THTPA: variants seen among roughly 807,000 people sequenced by gnomAD.
THTPA encodes the protein thiamine triphosphatase.
A neutral mutation model predicts 16.5 loss-of-function variants in THTPA; 16 were observed. The observed-to-expected ratio is 0.97, with a 90% CI of 0.66 to 1.47. The LOEUF (loss-of-function observed/expected upper bound fraction) is 1.47, where lower values mean the gene tolerates loss of function less well. THTPA is among the 40% of genes most tolerant of loss of function. THTPA has a pLI of 0.00. For missense variants in THTPA, 281 were observed against 280.9 expected (o/e 1.00, Z 0.00); for synonymous variants, 110 against 115.5 (o/e 0.95, Z 0.30).
the THTPA span, among the ~76,000 whole-genome samples, chr14:23,549,115 C>T: frequency 1.3e-4 from 20 of 152,250 alleles, no homozygotes; most frequent in East Asian, 3.5e-3. Context: ...CTGTTGACCT[C>T]CACTTTAGGA....
chr14:23,521,517 A>G, the THTPA span: 1 of 155,552 alleles, frequency 6.4e-6, no homozygotes, highest in African/African-American at 2.4e-5. Context: ...TTCTTTTTCA[A>G]AATTTTTTGG....
At chr14:23,549,037 A>G in the THTPA span, among the ~76,000 whole-genome samples, 2 of 151,680 alleles carry the variant, frequency 1.3e-5, no homozygotes, top group Admixed American at 1.3e-4. Context: ...CTCTCTTCCC[A>G]TCTCATCTTG....
the THTPA span, chr14:23,535,246 G>A: frequency 1.3e-6 from 2 of 1,515,844 alleles, no homozygotes; most frequent in Non-Finnish European, 1.8e-6. The surrounding 1 kb of genome is among the most constrained non-coding windows in gnomAD (Gnocchi z 4.5). Context: ...GGAGGAGAAG[G>A]TGTCCGAAGG....
At chr14:23,523,510 C>T in the THTPA span, 1 of 1,536,418 alleles carries the variant, frequency 6.5e-7, no homozygotes, top group Non-Finnish European at 8.7e-7. This position sits in a 1 kb window ranked among gnomAD's most constrained non-coding sequence, Gnocchi z 4.1. Context: ...AGTCAGTGCG[C>T]TGGGCTGCTA....
chr14:23,533,742 C>A, the THTPA span: 1 of 1,555,948 alleles, frequency 6.4e-7, no homozygotes. This position sits in a 1 kb window ranked among gnomAD's most constrained non-coding sequence, Gnocchi z 4.8. Context: ...GCTTGTCAGA[C>A]TGCATATGGA....
At chr14:23,527,457 C>T in the THTPA span, 2 of 1,064,518 alleles carry the variant, frequency 1.9e-6, no homozygotes, top group Non-Finnish European at 2.7e-6. Context: ...CCTTGTCGGA[C>T]CGTCCTCACC....
chr14:23,551,369 T>C (rs1014469606), upstream of THTPA: 1 of 151,060 alleles, frequency 6.6e-6, no homozygotes, highest in Non-Finnish European at 1.5e-5. The surrounding 1 kb of genome is among the most constrained non-coding windows in gnomAD (Gnocchi z 5.3). Context: ...GGGACGGGAG[T>C]CGAACCGCGG....
chr14:23,523,029 C>T, the THTPA span: 11 of 1,414,044 alleles, frequency 7.8e-6, no homozygotes, highest in Non-Finnish European at 9.2e-6. This position sits in a 1 kb window ranked among gnomAD's most constrained non-coding sequence, Gnocchi z 4.1. Context: ...CACACACACC[C>T]GTTCCCAGCA....
chr14:23,514,836 G>T, the THTPA span, among the ~76,000 whole-genome samples: 1 of 152,266 alleles, frequency 6.6e-6, no homozygotes, highest in South Asian at 2.1e-4. Flanking sequence ...GGCATGAGAG[G>T]ATGCCCTTAA....
the THTPA span, chr14:23,512,641 C>A: frequency 1.3e-5 from 2 of 150,312 alleles, no homozygotes; most frequent in African/African-American, 2.5e-5. Context: ...TACTGAGGAC[C>A]CAGACTCAGA....
chr14:23,531,489 C>T, the THTPA span: 524 of 1,418,214 alleles, frequency 3.7e-4, 2 homozygotes, highest in Admixed American at 9.1e-4. Context: ...ACCGGGAGTC[C>T]GGAGCTGCCC....
the THTPA span, chr14:23,528,541 A>G: frequency 2.1e-6 from 2 of 951,048 alleles, no homozygotes; most frequent in Admixed American, 6.2e-5. Flanking sequence ...AAATGGTTCC[A>G]TTTCCTCTGG....
At chr14:23,523,208 T>C in the THTPA span, 91 of 1,422,152 alleles carry the variant, frequency 6.4e-5, no homozygotes, top group African/African-American at 8.5e-4. The surrounding 1 kb of genome is among the most constrained non-coding windows in gnomAD (Gnocchi z 4.1). Context: ...CTCACCTGAA[T>C]TGAAAGGAGC....
In THTPA at chr14:23,558,944, C is replaced by G. The variant is rs996053166; in HGVS notation, c.*104C>G. 29 of 1,380,630 alleles carry G rather than the reference C, an allele frequency of 2.1e-5. No homozygotes were observed. The African/African-American group carries it at 4.2e-4, about 20-fold the overall frequency. 85.5% of individuals were successfully genotyped at this position (1,380,630 alleles called of 1,614,324 possible). On this transcript the variant is annotated 3_prime_UTR_variant, in exon 2 of 2. Coordinates refer to ENST00000288014, the MANE Select transcript of THTPA (RefSeq NM_024328.6). Reference sequence around the variant, plus strand: ...AGTGTCCCTTCTGACAGTGACTCCTCTCTCTCCAGCGCTGCCTGTTTCTTC... The same window carrying G: ...AGTGTCCCTTCTGACAGTGACTCCTGTCTCTCCAGCGCTGCCTGTTTCTTC...
At chr14:23,550,040 T>A in the THTPA span, among the ~76,000 whole-genome samples, 1 of 152,068 alleles carries the variant, frequency 6.6e-6, no homozygotes, top group African/African-American at 2.4e-5. Context: ...AAATATACAA[T>A]GATACAGTGG....
the THTPA span, chr14:23,535,328 T>C: frequency 4.1e-6 from 6 of 1,451,758 alleles, no homozygotes; most frequent in Non-Finnish European, 4.5e-6. The surrounding 1 kb of genome is among the most constrained non-coding windows in gnomAD (Gnocchi z 4.5). Flanking sequence ...GTGGCCATGG[T>C]AGACGGAGGA....
At chr14:23,526,448 G>A in the THTPA span, 1 of 1,536,260 alleles carries the variant, frequency 6.5e-7, no homozygotes, top group East Asian at 2.4e-5. Context: ...GCGAGAGTCA[G>A]CTGGAGCTGG....
At chr14:23,547,509 C>G in the THTPA span, among the ~76,000 whole-genome samples, 7 of 152,150 alleles carry the variant, frequency 4.6e-5, no homozygotes, top group African/African-American at 1.7e-4. Flanking sequence ...CCACATCTTC[C>G]TCTTGGGCTC....
the THTPA span, among the ~76,000 whole-genome samples, chr14:23,539,636 C>A: frequency 1.3e-5 from 2 of 152,146 alleles, no homozygotes; most frequent in Non-Finnish European, 1.5e-5. Context: ...TGAAGAGGAG[C>A]CATGTCGTGG....
Sources: allele counts gnomAD v4.1 joint callset (sites outside exome capture counted in the v4.1 genomes callset), GRCh38; gene constraint gnomAD v4.1.1; non-coding constraint Gnocchi (gnomAD v3.1); transcripts MANE v1.5; gene names NCBI Gene and HGNC (gene_info 2026-07-23, HGNC 2026-07-21).